SCPEP1: variants seen among roughly 807,000 people sequenced by gnomAD.
The protein encoded by SCPEP1 is serine carboxypeptidase 1, also known as retinoid-inducible serine carboxypeptidase.
A neutral mutation model predicts 63.8 loss-of-function variants in SCPEP1; 51 were observed. The ratio of observed to expected loss-of-function variants is 0.80; its 90% confidence interval spans 0.64 to 1.01. The LOEUF (loss-of-function observed/expected upper bound fraction) is 1.01. SCPEP1 is among the 50% of genes least tolerant of loss of function. The probability of loss-of-function intolerance (pLI) is 0.00; values close to 1 mark genes in which losing one functional copy is unlikely to be tolerated. For missense variants in SCPEP1, 499 were observed against 554.9 expected, an observed-to-expected ratio of 0.90 and a Z score of 1.01; for synonymous variants, 204 against 207.8, an observed-to-expected ratio of 0.98 and a Z score of 0.16.
intron 1 of SCPEP1, 99 bp downstream of exon 1, chr17:56,978,334 T>C (rs1910975344): frequency 7.4e-7 from 1 of 1,357,430 alleles, no homozygotes; most frequent in South Asian, 1.5e-5. Context: ...ATGTCTCTTT[T>C]CCCCGGTTCT....
intron 2 of SCPEP1, 79 bp from the exon 3 acceptor site, chr17:56,985,299 A>G (rs1389212106): frequency 9.3e-7 from 1 of 1,077,912 alleles, no homozygotes; most frequent in Non-Finnish European, 1.4e-6. Flanking sequence ...CTCATAAACC[A>G]TCTATAGCAA....
At chr17:57,005,961 C>T (rs1911878295) in intron 12 of SCPEP1, among the ~76,000 whole-genome samples, 1 of 152,198 alleles carries the variant, frequency 6.6e-6, no homozygotes, top group East Asian at 1.9e-4. Flanking sequence ...CAGGTCCCTG[C>T]CACCCAGCCC....
chr17:56,993,339 C>A (rs1300539852), intron 6 of SCPEP1, among the ~76,000 whole-genome samples: 1 of 152,224 alleles, frequency 6.6e-6, no homozygotes, highest in African/African-American at 2.4e-5. Context: ...GTAGAAAGTT[C>A]TATTGAACAA....
At chr17:57,006,124 C>A in intron 12 of SCPEP1, 49 bp from the exon 13 acceptor site, 2 of 1,498,356 alleles carry the variant, frequency 1.3e-6, no homozygotes, top group Non-Finnish European at 1.8e-6. Context: ...CTGACCCCAG[C>A]CCCAGGAATA....
chr17:56,985,400 C>T lies in SCPEP1; in HGVS notation c.248C>T (p.Thr83Ile), dbSNP rs1379596278. The change falls in exon 3 of 13, where the codon ACT becomes ATT. Residue 83 changes from threonine (T) to isoleucine (I), a missense_variant. Physicochemically the swap from Thr to Ile is moderately conservative, Grantham distance 89. Transcript: ENST00000262288. Reference protein sequence around the residue: ...WLQGGPGGSSTGFGNFEEIGP... With the variant: ...WLQGGPGGSSIGFGNFEEIGP... Reference sequence around the variant, plus strand: ...TAGGGCGGTCCAGGCGGTTCTAGCACTGGATTTGGAAACTTTGAGGAAATT... The same window carrying T: ...TAGGGCGGTCCAGGCGGTTCTAGCATTGGATTTGGAAACTTTGAGGAAATT... 6.2e-7 allele frequency: 1 copy of T among 1,614,212 alleles called. No homozygotes were observed. The highest frequency in any genetic ancestry group is 1.7e-5 in the Admixed American group (1 of 60,030).
At chr17:56,996,732 C>T (rs974178597) in intron 8 of SCPEP1, among the ~76,000 whole-genome samples, 6 of 147,508 alleles carry the variant, frequency 4.1e-5, no homozygotes, top group Non-Finnish European at 7.5e-5. Flanking sequence ...TTGACCAGGC[C>T]GGTCTCGAAC....
At chr17:56,991,053 G>A in intron 5 of SCPEP1, 46 bp from the exon 6 acceptor site, 2 of 1,384,024 alleles carry the variant, frequency 1.4e-6, no homozygotes. Flanking sequence ...ATTACTGCGT[G>A]AGCCACTGCA....
At chr17:57,003,713 CAG>C (rs570396140) in intron 12 of SCPEP1, among the ~76,000 whole-genome samples, 4 of 152,114 alleles carry the variant, frequency 2.6e-5, no homozygotes, top group African/African-American at 7.2e-5. Flanking sequence ...AGTGAGAACT[CAG>C]GGGAAGGGCT....
chr17:56,981,170 C>T lies in SCPEP1; in HGVS notation c.165C>T (p.Leu55=). 1 of 1,613,926 alleles carries T rather than the reference C, an allele frequency of 6.2e-7. No homozygotes were observed. Among genetic ancestry groups the T allele is most frequent in the Non-Finnish European group, 8.5e-7 (1 of 1,179,816 alleles). ...AGGATGCCTACATGTTCTGGTGGCTCTATTATGCCACCAACTCCTGCAAGA... is the reference window on the plus strand; with the variant it reads ...AGGATGCCTACATGTTCTGGTGGCTTTATTATGCCACCAACTCCTGCAAGA... The part of the protein sequence containing the change: ...VRKDAYMFWW[L]YYATNSCKNF... Residue 55 remains leucine (L), a synonymous_variant, in exon 2 of 13, where the codon CTC becomes CTT. Coordinates refer to ENST00000262288, the MANE Select transcript of SCPEP1 (RefSeq NM_021626.3).
chr17:56,990,144 T>C (rs1195610311), intron 5 of SCPEP1, among the ~76,000 whole-genome samples: 1 of 152,156 alleles, frequency 6.6e-6, no homozygotes, highest in Non-Finnish European at 1.5e-5. Flanking sequence ...TGAGATAACT[T>C]TGTTTGTAAG....
At chr17:56,998,291 CAGAG>C (rs981245126) in intron 9 of SCPEP1, 90 bp from the exon 10 acceptor site, 5 of 805,446 alleles carry the variant, frequency 6.2e-6, no homozygotes, top group Non-Finnish European at 1.0e-5. Context: ...AGCCTGGAGA[CAGAG>C]AGAGATTCTG....
chr17:57,001,758 G>A (rs893293551), intron 11 of SCPEP1, among the ~76,000 whole-genome samples: 8 of 152,144 alleles, frequency 5.3e-5, no homozygotes, highest in Non-Finnish European at 1.0e-4. Context: ...AGCAGATGGC[G>A]GTGAGAGATG....
intron 9 of SCPEP1, 76 bp from the exon 10 acceptor site, chr17:56,998,309 C>CAA (rs367630962): frequency 4.6e-3 from 3,418 of 745,440 alleles, no homozygotes; most frequent in South Asian, 6.2e-3. Context: ...GATTCTGTCT[C>CAA]AAAAAAAAAA....
intron 10 of SCPEP1, 117 bp from the exon 11 acceptor site, chr17:57,000,738 A>C: frequency 4.2e-6 from 5 of 1,199,348 alleles, no homozygotes; most frequent in East Asian, 2.4e-5. Context: ...CTGTTTGTGA[A>C]GCATCTGTGC....
In SCPEP1 at chr17:56,987,840, A is replaced by G; in HGVS notation, c.461A>G (p.Lys154Arg). ...CTGAAGACCTTCTTCAGTTGCCACA[A>G]AGAATTCCAGGTAAGCAAAGACTCA... Reference protein sequence around the residue: ...VLLKTFFSCHKEFQTVPFYIF... With the variant: ...VLLKTFFSCHREFQTVPFYIF... The change falls in exon 4 of 13, where the codon AAA (lysine) becomes AGA (arginine). Residue 154 changes from lysine to arginine, a missense_variant. Lys to Arg is a conservative substitution (Grantham distance 26). Transcript: ENST00000262288. 5 of 1,614,110 alleles carry G rather than the reference A, an allele frequency of 3.1e-6. No homozygotes were observed. Among genetic ancestry groups the G allele is most frequent in the Non-Finnish European group, 4.2e-6 (5 of 1,179,986 alleles).
chr17:56,984,420 C>G (rs557839098), intron 2 of SCPEP1: 4 of 152,306 alleles, frequency 2.6e-5, no homozygotes, highest in Non-Finnish European at 5.9e-5. Context: ...CCCAAAGAGC[C>G]TCCTCTTGTC....
At chr17:56,993,431 GTTGTTTGTTTGTTT>G (rs560681971) in intron 6 of SCPEP1, among the ~76,000 whole-genome samples, 1,690 of 152,198 alleles carry the variant, frequency 0.011, 20 homozygotes, top group African/African-American at 0.037. Context: ...ATAAGTTTTT[GTTGTTTGTTTGTTT>G]TTGTTTGTTT....
intron 12 of SCPEP1, among the ~76,000 whole-genome samples, chr17:57,003,721 G>A (rs951743155): frequency 3.9e-5 from 6 of 152,184 alleles, no homozygotes; most frequent in Non-Finnish European, 7.4e-5. Flanking sequence ...CTCAGGGGAA[G>A]GGCTGAAACG....
intron 11 of SCPEP1, among the ~76,000 whole-genome samples, chr17:57,001,212 G>A (rs558970815): frequency 2.0e-5 from 3 of 152,220 alleles, no homozygotes; most frequent in African/African-American, 4.8e-5. Flanking sequence ...GGGTTTGGGG[G>A]CCCTTAGGTA....
Sources: gnomAD v4.1 joint callset for allele counts (sites outside exome capture counted in the v4.1 genomes callset) on GRCh38, gnomAD v4.1.1 for gene constraint, MANE v1.5 for transcripts, NCBI Gene and HGNC (gene_info 2026-07-23, HGNC 2026-07-21) for gene names.